Variants in LPP observed in about 807,000 individuals in gnomAD.
LPP encodes lipoma-preferred partner.
LPP carries 38 observed loss-of-function variants against 60.4 expected under a neutral mutation model. The observed-to-expected ratio is 0.63, with a 90% CI of 0.49 to 0.83. The LOEUF is 0.83. LPP is among the 40% of genes least tolerant of loss of function. The probability of loss-of-function intolerance (pLI) is 0.00; values close to 1 mark genes in which losing one functional copy is unlikely to be tolerated. For missense variants in LPP, 902 were observed against 783.6 expected (o/e 1.15, Z -1.80); for synonymous variants, 328 against 290.8 (o/e 1.13, Z -1.30).
chr3:188,484,649 T>C lies in LPP; in HGVS notation c.251T>C (p.Ile84Thr). ...PLDDSSALPS[I>T]SGNFPPPPPL... ...GATGATTCCAGTGCCCTTCCATCTATCTCTGGAAACTTTCCTCCTCCACCA... is the reference window on the plus strand; with the variant it reads ...GATGATTCCAGTGCCCTTCCATCTACCTCTGGAAACTTTCCTCCTCCACCA... The change falls in exon 5 of 12, where the codon ATC becomes ACC. Residue 84 changes from isoleucine (I) to threonine (T), a missense_variant. Physicochemically the swap from Ile to Thr is moderately conservative, Grantham distance 89. Coordinates refer to ENST00000617246, the MANE Select transcript of LPP (RefSeq NM_001375462.1). 6.2e-7 allele frequency: 1 copy of C among 1,614,068 alleles called. No homozygotes were observed. The highest frequency in any genetic ancestry group is 8.5e-7 in the Non-Finnish European group (1 of 1,179,988).
chr3:188,680,082 A>C (rs1286460423), intron 7 of LPP, among the ~76,000 whole-genome samples: 2 of 152,164 alleles, frequency 1.3e-5, no homozygotes, highest in African/African-American at 4.8e-5. Context: ...CAGAGGAAAA[A>C]ATGTTGTTTT....
At chr3:188,623,852 ATCC>A (rs747082185) in intron 7 of LPP, among the ~76,000 whole-genome samples, 8 of 152,148 alleles carry the variant, frequency 5.3e-5, no homozygotes, top group Non-Finnish European at 1.2e-4. Context: ...GTGCCAGACA[ATCC>A]TCCTAGTTGT....
chr3:188,849,203 C>A (rs1762189283), intron 9 of LPP, among the ~76,000 whole-genome samples: 1 of 152,066 alleles, frequency 6.6e-6, no homozygotes, highest in Non-Finnish European at 1.5e-5. Flanking sequence ...ACGGAGGGAC[C>A]CTTTTCCTCT....
At chr3:188,494,517 C>T (rs1187046435) in intron 5 of LPP, among the ~76,000 whole-genome samples, 1 of 152,100 alleles carries the variant, frequency 6.6e-6, no homozygotes, top group Admixed American at 6.5e-5. Flanking sequence ...TTAAATACCC[C>T]TAACGTCCAT....
At chr3:188,386,920 G>A (rs1206496472) in intron 3 of LPP, among the ~76,000 whole-genome samples, 1 of 152,058 alleles carries the variant, frequency 6.6e-6, no homozygotes, top group Non-Finnish European at 1.5e-5. Context: ...CCCCAAAGTT[G>A]GTTTGCCTTT....
chr3:188,682,084 C>T (rs949774006), intron 7 of LPP, among the ~76,000 whole-genome samples: 6 of 152,188 alleles, frequency 3.9e-5, no homozygotes, highest in African/African-American at 1.4e-4. Context: ...ACTGTATCCT[C>T]GTTTTTTTGC....
At chr3:188,804,683 C>A (rs1029886292) in intron 9 of LPP, among the ~76,000 whole-genome samples, 1 of 151,862 alleles carries the variant, frequency 6.6e-6, no homozygotes, top group Non-Finnish European at 1.5e-5. Flanking sequence ...TGAAGTCATG[C>A]CTTTTCTGTT....
At chr3:188,742,454 C>T (rs375803800) in intron 8 of LPP, among the ~76,000 whole-genome samples, 22 of 151,794 alleles carry the variant, frequency 1.4e-4, no homozygotes, top group East Asian at 5.8e-4. Flanking sequence ...GATGACTCAT[C>T]GGTAATAAAT....
chr3:188,431,825 C>T (rs1790963962), intron 4 of LPP, among the ~76,000 whole-genome samples: 1 of 152,158 alleles, frequency 6.6e-6, no homozygotes, highest in South Asian at 2.1e-4. Context: ...AAATTGGTTA[C>T]TCCTGAAGTG....
chr3:188,375,375 C>T (rs1578431121), intron 3 of LPP, among the ~76,000 whole-genome samples: 1 of 152,160 alleles, frequency 6.6e-6, no homozygotes, highest in East Asian at 1.9e-4. Context: ...ATTATTGCCT[C>T]AATTTCAGAG....
At position 188,794,632 on chromosome 3, in the gene LPP, C is replaced by T. The variant is rs528445075; in HGVS notation, c.1410+34350C>T. Among the ~76,000 whole-genome samples, 256 of 152,210 alleles carry T rather than the reference C, an allele frequency of 1.7e-3. 1 individual carries two copies. The highest frequency in any genetic ancestry group is 3.4e-3 in the Middle Eastern group (1 of 294). On this transcript the variant is annotated intron_variant, in intron 9 of 11. Transcript: ENST00000617246. ...TTGAGATTCAGCACAAAAAAGAATT[C>T]GATATCACCTAATACAAGCTGAGAA...
chr3:188,788,838 T>A (rs928669069), intron 9 of LPP, among the ~76,000 whole-genome samples: 22 of 152,216 alleles, frequency 1.4e-4, no homozygotes, highest in Non-Finnish European at 2.4e-4. Flanking sequence ...TTGCCAGCAC[T>A]CATTTCATTT....
At chr3:188,172,443 C>G (rs1404615286) in intron 1 of LPP, among the ~76,000 whole-genome samples, 1 of 152,112 alleles carries the variant, frequency 6.6e-6, no homozygotes. Flanking sequence ...TAGAACAGAG[C>G]CTGACATGTG....
chr3:188,449,436 A>G (rs993901497), intron 4 of LPP, among the ~76,000 whole-genome samples: 17 of 152,210 alleles, frequency 1.1e-4, no homozygotes, highest in South Asian at 2.1e-4. Context: ...CACAATAATC[A>G]TGCCTAACAT....
chr3:188,579,086 C>T (rs774559765), intron 6 of LPP, among the ~76,000 whole-genome samples: 6 of 152,116 alleles, frequency 3.9e-5, no homozygotes, highest in Admixed American at 3.9e-4. Flanking sequence ...TTCACATACA[C>T]TTAACCTTTA....
chr3:188,578,782 T>A (rs1299537513), intron 6 of LPP, among the ~76,000 whole-genome samples: 1 of 152,176 alleles, frequency 6.6e-6, no homozygotes, highest in Non-Finnish European at 1.5e-5. Context: ...ACCAGCTGCA[T>A]GTGCTGCTAT....
intron 9 of LPP, among the ~76,000 whole-genome samples, chr3:188,857,879 A>G (rs1764213074): frequency 6.6e-6 from 1 of 152,244 alleles, no homozygotes; most frequent in Admixed American, 6.5e-5. Context: ...AAATGATCAA[A>G]GGATGACAAG....
intron 2 of LPP, among the ~76,000 whole-genome samples, chr3:188,301,035 T>A (rs1450434770): frequency 6.6e-6 from 1 of 152,176 alleles, no homozygotes; most frequent in African/African-American, 2.4e-5. Context: ...TCTTCTACAT[T>A]TGCCCTAGTT....
At chr3:188,809,304 T>C (rs1750153677) in intron 9 of LPP, among the ~76,000 whole-genome samples, 1 of 152,168 alleles carries the variant, frequency 6.6e-6, no homozygotes, top group African/African-American at 2.4e-5. Flanking sequence ...CCAACAACAG[T>C]GTAAAAATGT....
Sources: allele counts gnomAD v4.1 joint callset (sites outside exome capture counted in the v4.1 genomes callset), GRCh38; gene constraint gnomAD v4.1.1; transcripts MANE v1.5; gene names NCBI Gene and HGNC (gene_info 2026-07-23, HGNC 2026-07-21).